The following CNTN5 variants were observed in gnomAD, a reference collection of about 807,000 sequenced individuals.
CNTN5 encodes contactin 5.
Under a neutral mutation model 129.1 loss-of-function variants are expected in CNTN5, and 77 were observed. That is an observed-to-expected ratio of 0.60 (90% CI 0.50 to 0.72). The LOEUF (loss-of-function observed/expected upper bound fraction) is 0.72, where lower values mean the gene tolerates loss of function less well. CNTN5 is among the 30% of genes least tolerant of loss of function. The probability of loss-of-function intolerance (pLI) is 0.00; values close to 1 mark genes in which losing one functional copy is unlikely to be tolerated. For synonymous variants in CNTN5, 509 were observed against 465.6 expected, an observed-to-expected ratio of 1.09 and a Z score of -1.20; for missense variants, 1,478 against 1,328.8, an observed-to-expected ratio of 1.11 and a Z score of -1.75.
intron 14 of CNTN5, among the ~76,000 whole-genome samples, chr11:100,191,734 G>T (rs1948500539): frequency 6.6e-6 from 1 of 151,920 alleles, no homozygotes; most frequent in Non-Finnish European, 1.5e-5. Flanking sequence ...GTTGATGTCT[G>T]TATCAATGAA....
intron 16 of CNTN5, among the ~76,000 whole-genome samples, chr11:100,252,717 T>A (rs769703940): frequency 1.3e-5 from 2 of 152,184 alleles, no homozygotes; most frequent in Non-Finnish European, 2.9e-5. Context: ...TTCACTGACA[T>A]GTCTGGTGCC....
At chr11:99,445,859 G>A (rs774806011) in intron 2 of CNTN5, among the ~76,000 whole-genome samples, 67 of 151,928 alleles carry the variant, frequency 4.4e-4, no homozygotes, top group African/African-American at 1.3e-3. Context: ...CGAGGCAGGC[G>A]GATCACCTGA....
intron 3 of CNTN5, among the ~76,000 whole-genome samples, chr11:99,649,232 C>T (rs1178682697): frequency 6.6e-6 from 1 of 151,538 alleles, no homozygotes; most frequent in Non-Finnish European, 1.5e-5. Context: ...AATTATTTCG[C>T]ATGTTTATAT....
intron 1 of CNTN5, among the ~76,000 whole-genome samples, chr11:99,305,929 C>A (rs867490827): frequency 5.3e-5 from 8 of 151,334 alleles, no homozygotes; most frequent in Admixed American, 1.3e-4. Flanking sequence ...TGCAGGGAGC[C>A]GAGATCTCGT....
At chr11:99,920,330 T>C (rs1227539985) in intron 7 of CNTN5, among the ~76,000 whole-genome samples, 1 of 152,148 alleles carries the variant, frequency 6.6e-6, no homozygotes, top group Non-Finnish European at 1.5e-5. Flanking sequence ...ACTTCTTATC[T>C]CCTTAATAAA....
intron 3 of CNTN5, among the ~76,000 whole-genome samples, chr11:99,622,898 A>G (rs1951000306): frequency 6.6e-6 from 1 of 151,900 alleles, no homozygotes; most frequent in African/African-American, 2.4e-5. Flanking sequence ...TGGCTCTCCA[A>G]ACATAACCCT....
chr11:100,341,279 G>A, intron 23 of CNTN5, 74 bp downstream of exon 23: 1 of 1,089,430 alleles, frequency 9.2e-7, no homozygotes, highest in South Asian at 1.3e-5. Flanking sequence ...AAATTAATAA[G>A]GCATAAAAAG....
intron 6 of CNTN5, among the ~76,000 whole-genome samples, chr11:99,885,729 A>C (rs1386540040): frequency 6.6e-6 from 1 of 152,176 alleles, no homozygotes; most frequent in Non-Finnish European, 1.5e-5. Context: ...AAGTTTGGTG[A>C]GTAATAAAGA....
chr11:99,146,299 G>C (rs7951489), intron 1 of CNTN5, among the ~76,000 whole-genome samples: 1 of 151,814 alleles, frequency 6.6e-6, no homozygotes, highest in Admixed American at 6.6e-5. Context: ...TATATAATTC[G>C]TTTATCCATT....
intron 1 of CNTN5, among the ~76,000 whole-genome samples, chr11:99,066,018 A>G (rs1450107694): frequency 1.3e-5 from 2 of 152,184 alleles, no homozygotes; most frequent in Non-Finnish European, 2.9e-5. Context: ...ATTAGCATAC[A>G]CATAAAATGA....
chr11:99,087,046 C>G (rs143068089), intron 1 of CNTN5, among the ~76,000 whole-genome samples: 1 of 152,294 alleles, frequency 6.6e-6, no homozygotes, highest in African/African-American at 2.4e-5. Flanking sequence ...TTTGAGTCCA[C>G]TGAATCTGGC....
intron 4 of CNTN5, among the ~76,000 whole-genome samples, chr11:99,827,606 T>C (rs115574031): frequency 1.1e-3 from 166 of 152,332 alleles, no homozygotes; most frequent in African/African-American, 3.8e-3. Flanking sequence ...CATATTTTTG[T>C]TAGGTCTGTT....
chr11:100,261,968 A>T (rs556105498), intron 17 of CNTN5, among the ~76,000 whole-genome samples: 1 of 152,362 alleles, frequency 6.6e-6, no homozygotes, highest in Non-Finnish European at 1.5e-5. Flanking sequence ...TAAACTAAAG[A>T]TCTTCTGCAC....
intron 24 of CNTN5, among the ~76,000 whole-genome samples, chr11:100,351,972 C>T (rs1323481896): frequency 6.6e-6 from 1 of 151,388 alleles, no homozygotes; most frequent in Non-Finnish European, 1.5e-5. Context: ...ATGAGACAGA[C>T]TGGAACTTTG....
Position 99,931,348 on chromosome 11 carries a change from G to A in CNTN5, c.673+15199G>A, listed in dbSNP as rs778385437. Among the ~76,000 whole-genome samples, 14 of 152,172 alleles carry A rather than the reference G, an allele frequency of 9.2e-5. No homozygotes were observed. In the East Asian group the frequency reaches 1.4e-3, roughly 15 times the overall value. On this transcript the variant is annotated intron_variant, in intron 7 of 24. Transcript: ENST00000524871. ...ACATGGAAAACTAAACTATCACAAA[G>A]CAAACACTTCAATATGGAGTTTGTT...
At chr11:99,132,760 C>T (rs1170851512) in intron 1 of CNTN5, among the ~76,000 whole-genome samples, 1 of 152,086 alleles carries the variant, frequency 6.6e-6, no homozygotes, top group Non-Finnish European at 1.5e-5. Flanking sequence ...AGAGAGGACA[C>T]AAGTAGATGG....
At chr11:99,535,386 C>T (rs554490125) in intron 2 of CNTN5, among the ~76,000 whole-genome samples, 13 of 152,264 alleles carry the variant, frequency 8.5e-5, no homozygotes, top group African/African-American at 2.4e-4. Context: ...TCCAAATTTA[C>T]GTTTAGCTTT....
chr11:100,097,450 A>G (rs1945046404), intron 13 of CNTN5, among the ~76,000 whole-genome samples: 1 of 152,172 alleles, frequency 6.6e-6, no homozygotes, highest in African/African-American at 2.4e-5. Context: ...TTCTGGATAC[A>G]GAGTGTCATT....
At chr11:99,797,439 A>C (rs1411861004) in intron 3 of CNTN5, among the ~76,000 whole-genome samples, 1 of 152,124 alleles carries the variant, frequency 6.6e-6, no homozygotes, top group African/African-American at 2.4e-5. Context: ...AACGTTAAGA[A>C]ATCACTTTTT....
Sources: gnomAD v4.1 joint callset for allele counts (sites outside exome capture counted in the v4.1 genomes callset) on GRCh38, gnomAD v4.1.1 for gene constraint, MANE v1.5 for transcripts, NCBI Gene and HGNC (gene_info 2026-07-23, HGNC 2026-07-21) for gene names.